The following CXADR variants were observed in gnomAD, a reference collection of about 807,000 sequenced individuals.
CXADR encodes the protein CXADR cell adhesion molecule.
In CXADR, 20 loss-of-function variants were observed where a neutral mutation model predicts 40.3. That is an observed-to-expected ratio of 0.50 (90% confidence interval 0.35 to 0.72). CXADR has a LOEUF of 0.72. Ranked by LOEUF, CXADR falls within the 30% of genes least tolerant of loss-of-function variation. The probability of loss-of-function intolerance (pLI) is 0.01; values close to 1 mark genes in which losing one functional copy is unlikely to be tolerated. For synonymous variants in CXADR, 150 were observed against 161.3 expected (o/e 0.93, Z 0.53); for missense variants, 332 against 449.1 (o/e 0.74, Z 2.36).
chr21:17,547,341 C>G, intron 2 of CXADR, 148 bp downstream of exon 2: 1 of 1,122,316 alleles, frequency 8.9e-7, no homozygotes, highest in Non-Finnish European at 1.2e-6. Context: ...GTGAGGAAGG[C>G]AATTGCTCTG....
chr21:17,573,163 G>T (rs2061292468), downstream of CXADR, among the ~76,000 whole-genome samples: 1 of 151,936 alleles, frequency 6.6e-6, no homozygotes, highest in Non-Finnish European at 1.5e-5. Flanking sequence ...TTCCCTCTAT[G>T]CATGTCTACC....
intron 7 of CXADR, among the ~76,000 whole-genome samples, chr21:17,579,731 G>A (rs150008864): frequency 6.6e-6 from 1 of 152,310 alleles, no homozygotes; most frequent in East Asian, 1.9e-4. Flanking sequence ...AACACAGAAA[G>A]CAGTCCTTGA....
At chr21:17,629,625 T>A in the CXADR span, among the ~76,000 whole-genome samples, 1 of 151,848 alleles carries the variant, frequency 6.6e-6, no homozygotes, top group African/African-American at 2.4e-5. Flanking sequence ...CAAATAAAAT[T>A]GCAACTTGTA....
chr21:17,633,442 C>T, the CXADR span, among the ~76,000 whole-genome samples: 2 of 152,090 alleles, frequency 1.3e-5, no homozygotes, highest in Non-Finnish European at 2.9e-5. Context: ...ATCTGTAGTC[C>T]CAGCTACTCA....
intron 1 of CXADR, among the ~76,000 whole-genome samples, chr21:17,530,772 C>G (rs939685078): frequency 2.6e-5 from 4 of 152,118 alleles, no homozygotes; most frequent in African/African-American, 9.7e-5. Flanking sequence ...CGAGATTGCA[C>G]TGTTGCACCG....
Position 17,565,497 on chromosome 21 carries a change from C to T in CXADR, c.903C>T (p.Ser301=), listed in dbSNP as rs1314010181. Residue 301 remains serine (S), a synonymous_variant, in exon 7 of 7, where the codon TCC becomes TCT. Transcript: ENST00000284878. The stretch of plus-strand genomic sequence containing the variant: ...GCTACATCGGCAGTAATCATTCATC[C>T]CTGGGGTCCATGTCTCCTTCCAACA... ...ARSYIGSNHS[S]LGSMSPSNME... is the part of the protein sequence containing the mutation. 2 of 1,613,890 alleles carry T rather than the reference C, an allele frequency of 1.2e-6. No individual in the cohort carries two copies. The highest frequency in any genetic ancestry group is 1.7e-6 in the Non-Finnish European group (2 of 1,179,836).
At chr21:17,537,298 A>G (rs1303394404) in intron 1 of CXADR, among the ~76,000 whole-genome samples, 1 of 152,170 alleles carries the variant, frequency 6.6e-6, no homozygotes, top group Non-Finnish European at 1.5e-5. Context: ...CTATTTGTAA[A>G]TGTACCGTCA....
intron 7 of CXADR, among the ~76,000 whole-genome samples, chr21:17,589,587 T>A (rs1036564117): frequency 1.3e-5 from 2 of 152,076 alleles, no homozygotes; most frequent in Non-Finnish European, 2.9e-5. Context: ...ATACCATTTT[T>A]TTTTTTATTC....
intron 1 of CXADR, among the ~76,000 whole-genome samples, chr21:17,535,747 C>G (rs1428496285): frequency 6.6e-6 from 1 of 152,192 alleles, no homozygotes; most frequent in Non-Finnish European, 1.5e-5. Context: ...TGGCTTACAC[C>G]TGTACTCCCA....
intron 1 of CXADR, among the ~76,000 whole-genome samples, chr21:17,534,095 TA>T (rs2060719181): frequency 1.8e-4 from 17 of 96,196 alleles, no homozygotes; most frequent in African/African-American, 7.9e-4. Context: ...TATATATATA[TA>T]TATATTTTTT....
At chr21:17,593,134 C>G in intron 7 of CXADR, 2 of 1,402,584 alleles carry the variant, frequency 1.4e-6, no homozygotes, top group Non-Finnish European at 1.9e-6. Context: ...AGAGATATCT[C>G]TTTTTTTCTT....
At chr21:17,589,121 T>A (rs1226249974) in intron 7 of CXADR, among the ~76,000 whole-genome samples, 4 of 152,128 alleles carry the variant, frequency 2.6e-5, no homozygotes, top group Admixed American at 6.5e-5. Flanking sequence ...CCAAATACTA[T>A]ATTTAACATT....
rs958661115 is a variant in CXADR at position 17,569,697 on chromosome 21, A to C, written c.*4005A>C. The C allele has an allele frequency of 2.1e-6, 2 of 966,164 alleles. No individual in the cohort carries two copies. Among genetic ancestry groups the C allele is most frequent in the Non-Finnish European group, 2.5e-6 (2 of 812,572 alleles). 59.8% of individuals were successfully genotyped at this position (966,164 alleles called of 1,614,324 possible). ...TTATTCATTATGGTTAACTTTTATA[A>C]TTTATCTTATTTTATAATTTAAGAA... On this transcript the variant is annotated 3_prime_UTR_variant, in exon 7 of 7. Transcript: ENST00000284878.
At chr21:17,571,663 G>GT (rs2061278439), downstream of CXADR, among the ~76,000 whole-genome samples, 1 of 152,098 alleles carries the variant, frequency 6.6e-6, no homozygotes, top group Admixed American at 6.5e-5. Flanking sequence ...TTTTCTGCCG[G>GT]TATTTCCAAA....
chr21:17,630,049 G>A, the CXADR span, among the ~76,000 whole-genome samples: 2 of 152,138 alleles, frequency 1.3e-5, no homozygotes, highest in African/African-American at 4.8e-5. Context: ...CCGGGTGTTG[G>A]ATGTAGTTGG....
chr21:17,557,712 A>G (rs1601015104), intron 3 of CXADR, among the ~76,000 whole-genome samples: 1 of 150,782 alleles, frequency 6.6e-6, no homozygotes, highest in African/African-American at 2.4e-5. Flanking sequence ...AGAAGACAAG[A>G]AAATACATAC....
intron 1 of CXADR, among the ~76,000 whole-genome samples, chr21:17,546,524 G>A (rs2060898976): frequency 2.0e-5 from 3 of 152,192 alleles, no homozygotes; most frequent in Admixed American, 1.3e-4. Flanking sequence ...CAGAGAAGGG[G>A]GAGGTGCTGC....
chr21:17,598,877 A>G, the CXADR span: 1 of 1,435,480 alleles, frequency 7.0e-7, no homozygotes, highest in Non-Finnish European at 9.5e-7. Context: ...AGCAAAGCAA[A>G]AAATGTCCAT....
chr21:17,601,928 AT>A, the CXADR span, among the ~76,000 whole-genome samples: 2 of 152,164 alleles, frequency 1.3e-5, no homozygotes, highest in African/African-American at 4.8e-5. Context: ...CCTTTGTACT[AT>A]TTTGGTATGA....
Sources: allele counts gnomAD v4.1 joint callset (sites outside exome capture counted in the v4.1 genomes callset), GRCh38; gene constraint gnomAD v4.1.1; transcripts MANE v1.5; gene names NCBI Gene and HGNC (gene_info 2026-07-23, HGNC 2026-07-21).